ZNF570: variants seen among roughly 807,000 people sequenced by gnomAD.
ZNF570 encodes zinc finger protein 570.
ZNF570 carries 8 observed loss-of-function variants against 14.2 expected under a neutral mutation model. That is an observed-to-expected ratio of 0.56 (90% confidence interval 0.33 to 1.02). The LOEUF (loss-of-function observed/expected upper bound fraction) is 1.02, where lower values mean the gene tolerates loss of function less well. Ranked by LOEUF, ZNF570 falls within the 50% of genes least tolerant of loss-of-function variation. The probability of loss-of-function intolerance (pLI) is 0.03; values close to 1 mark genes in which losing one functional copy is unlikely to be tolerated. For missense variants in ZNF570, 559 were observed against 624.9 expected, an observed-to-expected ratio of 0.89 and a Z score of 1.12; for synonymous variants, 202 against 207.6, an observed-to-expected ratio of 0.97 and a Z score of 0.23.
At chr19:37,482,036 C>T (rs900251640) in intron 4 of ZNF570, among the ~76,000 whole-genome samples, 1 of 152,116 alleles carries the variant, frequency 6.6e-6, no homozygotes, top group African/African-American at 2.4e-5. Context: ...CAGTATTTGT[C>T]CTTTTGTGAC....
chr19:37,487,441 A>G lies in ZNF570; in HGVS notation c.*2208A>G, dbSNP rs1157873609. On this transcript the variant is annotated 3_prime_UTR_variant, in exon 5 of 5. Coordinates refer to ENST00000330173, the MANE Select transcript of ZNF570 (RefSeq NM_144694.5). ...ATTGAGTAATTACTGTTTGTCAGAC[A>G]CTGTTTTAGGTATGAGGAAATGACA... The G allele has an allele frequency of 6.6e-6, 1 of 152,186 alleles. No individual in the cohort carries two copies. Among genetic ancestry groups the G allele is most frequent in the East Asian group, 1.9e-4 (1 of 5,192 alleles). 9.4% of individuals were successfully genotyped at this position (152,186 alleles called of 1,614,324 possible).
chr19:37,472,550 G>C (rs1330847546), intron 2 of ZNF570, among the ~76,000 whole-genome samples: 1 of 151,990 alleles, frequency 6.6e-6, no homozygotes, highest in Non-Finnish European at 1.5e-5. Context: ...AGACCAGTCA[G>C]ACCAACATGC....
chr19:37,469,112 G>A (rs968418218), upstream of ZNF570: 2 of 1,050,418 alleles, frequency 1.9e-6, no homozygotes, highest in African/African-American at 3.4e-5. Context: ...CCCTGTGACC[G>A]GGCCAGGCTC....
At position 37,482,376 on chromosome 19, in the gene ZNF570, A is replaced by G. The variant is rs568126154; in HGVS notation, c.257-1503A>G. The stretch of plus-strand genomic sequence containing the variant: ...CCGAGGAGGTCTCAGGAAGCTTCCA[A>G]TTATGGCAGAAGGTGAACAGAGAGC... On this transcript the variant is annotated intron_variant, in intron 4 of 4. Transcript: ENST00000330173. 2.0e-5 allele frequency among the ~76,000 whole-genome samples: 3 copies of G among 152,324 alleles called. No individual in the cohort carries two copies. The South Asian group carries it at 6.2e-4, about 32-fold the overall frequency.
chr19:37,472,207 A>C (rs1274776338), intron 2 of ZNF570, among the ~76,000 whole-genome samples: 1 of 152,098 alleles, frequency 6.6e-6, no homozygotes, highest in Non-Finnish European at 1.5e-5. Flanking sequence ...CTCGGCCCAG[A>C]GAACTTTTTA....
In ZNF570 at chr19:37,484,977, G is replaced by A; in HGVS notation, c.1355G>A (p.Ser452Asn). The change falls in exon 5 of 5, where the codon AGC (serine) becomes AAC (asparagine). Residue 452 changes from serine to asparagine, a missense_variant. Coordinates refer to ENST00000330173, the MANE Select transcript of ZNF570 (RefSeq NM_144694.5). Reference sequence around the variant, plus strand: ...TGTATTGAATGTGGGAAGGCTTTTAGCAATGACTCGTCCCTTACTCAACAT... The same window carrying A: ...TGTATTGAATGTGGGAAGGCTTTTAACAATGACTCGTCCCTTACTCAACAT... ...YECIECGKAF[S>N]NDSSLTQHQR... is the part of the protein sequence containing the mutation. The A allele has an allele frequency of 1.2e-6, 2 of 1,614,102 alleles. No individual in the cohort carries two copies. Among genetic ancestry groups the A allele is most frequent in the Non-Finnish European group, 8.5e-7 (1 of 1,180,000 alleles).
intron 4 of ZNF570, among the ~76,000 whole-genome samples, chr19:37,481,481 A>G (rs1397565662): frequency 1.3e-5 from 2 of 152,186 alleles, no homozygotes; most frequent in South Asian, 2.1e-4. Context: ...TGCTTTAAAG[A>G]TACCATTCCA....
chr19:37,476,030 C>G (rs756020071), intron 3 of ZNF570, 23 bp downstream of exon 3: 1 of 1,581,270 alleles, frequency 6.3e-7, no homozygotes, highest in Non-Finnish European at 8.6e-7. Flanking sequence ...TCTTGCAAAA[C>G]TGAGCTTCTG....
At chr19:37,469,082 A>G (rs2041904954), upstream of ZNF570, 2 of 1,022,470 alleles carry the variant, frequency 2.0e-6, no homozygotes, top group Non-Finnish European at 2.3e-6. Context: ...CAGCCCGTGT[A>G]GTGTGACGCT....
At position 37,484,606 on chromosome 19, in the gene ZNF570, A is replaced by T; in HGVS notation, c.984A>T (p.Lys328Asn). Reference protein sequence around the residue: ...AQHQRVHTGEKPYECIECGKA... With the variant: ...AQHQRVHTGENPYECIECGKA... Reference sequence around the variant, plus strand: ...ATCAGAGAGTTCACACGGGAGAGAAACCCTATGAATGTATCGAATGTGGGA... The same window carrying T: ...ATCAGAGAGTTCACACGGGAGAGAATCCCTATGAATGTATCGAATGTGGGA... Residue 328 changes from lysine to asparagine, a missense_variant, in exon 5 of 5, where the codon AAA becomes AAT. Lys to Asn is a moderately conservative substitution (Grantham distance 94). Transcript: ENST00000330173. 1 of 1,613,992 alleles carries T rather than the reference A, an allele frequency of 6.2e-7. No individual in the cohort carries two copies. The highest frequency in any genetic ancestry group is 8.5e-7 in the Non-Finnish European group (1 of 1,179,916).
intron 4 of ZNF570, among the ~76,000 whole-genome samples, chr19:37,480,350 G>A (rs2042073167): frequency 6.6e-6 from 1 of 152,006 alleles, no homozygotes; most frequent in African/African-American, 2.4e-5. Flanking sequence ...TGGGCGTGGT[G>A]GCATGCACCT....
intron 2 of ZNF570, among the ~76,000 whole-genome samples, chr19:37,471,556 A>T (rs2041965156): frequency 6.6e-6 from 1 of 152,148 alleles, no homozygotes; most frequent in Non-Finnish European, 1.5e-5. Context: ...CTCAAATACC[A>T]TGTATATGCC....
At chr19:37,480,149 A>G (rs192960564) in intron 4 of ZNF570, among the ~76,000 whole-genome samples, 1 of 152,342 alleles carries the variant, frequency 6.6e-6, no homozygotes, top group African/African-American at 2.4e-5. Flanking sequence ...TCACCTTAAC[A>G]AAACCTAAAA....
chr19:37,483,862 T>G lies in ZNF570; in HGVS notation c.257-17T>G. On this transcript the variant is annotated splice_polypyrimidine_tract_variant and intron_variant, in intron 4 of 4. Coordinates refer to ENST00000330173, the MANE Select transcript of ZNF570 (RefSeq NM_144694.5). ...TACTCAATAGAGGAGACATTTTTTC[T>G]TATTATTACTTTTCAGGCTGGGAGC... is the stretch of plus-strand genomic sequence containing the variant. 6.4e-7 allele frequency: 1 copy of G among 1,564,388 alleles called. No homozygotes were observed.
chr19:37,475,838 G>A (rs758558794), intron 2 of ZNF570, 43 bp from the exon 3 acceptor site: 2 of 1,581,134 alleles, frequency 1.3e-6, no homozygotes, highest in East Asian at 2.2e-5. Flanking sequence ...GAAATGAGGT[G>A]AATATGGTAA....
intron 4 of ZNF570, among the ~76,000 whole-genome samples, chr19:37,480,445 C>T (rs545963481): frequency 1.3e-5 from 2 of 152,254 alleles, no homozygotes; most frequent in South Asian, 4.1e-4. Context: ...GATCGTGCCA[C>T]TGCACTCCAG....
rs755823702 is a variant in ZNF570 at position 37,484,206 on chromosome 19, A to G, written c.584A>G (p.Gln195Arg). Reference sequence around the variant, plus strand: ...GAGAAAGTACATAAACATGACACACAAAAGAGAAGCTTTAAAAAAAATTTA... The same window carrying G: ...GAGAAAGTACATAAACATGACACACGAAAGAGAAGCTTTAAAAAAAATTTA... Reference protein sequence around the residue: ...KEEKVHKHDTQKRSFKKNLMA... With the variant: ...KEEKVHKHDTRKRSFKKNLMA... Residue 195 changes from glutamine (Q) to arginine (R), a missense_variant, in exon 5 of 5, where the codon CAA becomes CGA. Gln to Arg is a conservative substitution (Grantham distance 43). Coordinates refer to ENST00000330173, the MANE Select transcript of ZNF570 (RefSeq NM_144694.5). 3.7e-6 allele frequency: 6 copies of G among 1,614,016 alleles called. No individual in the cohort carries two copies. In the South Asian group the frequency reaches 5.5e-5, roughly 15 times the overall value.
In ZNF570 at chr19:37,485,556, G is replaced by T; in HGVS notation, c.*323G>T. ...CATGCATCAGCCTCCCGAGTAGCTG[G>T]GACTATAGACATGCACCACCATGCC... On this transcript the variant is annotated 3_prime_UTR_variant, in exon 5 of 5. Coordinates refer to ENST00000330173, the MANE Select transcript of ZNF570 (RefSeq NM_144694.5). 4.6e-6 allele frequency: 1 copy of T among 219,168 alleles called. No homozygotes were observed. Among genetic ancestry groups the T allele is most frequent in the Non-Finnish European group, 9.0e-6 (1 of 111,486 alleles). The allele number at this position is 219,168 out of a possible 1,614,324, so 13.6% of individuals were successfully genotyped here.
rs2042144289 is a variant in ZNF570 at position 37,485,393 on chromosome 19, A to G, written c.*160A>G. 1 of 676,672 alleles carries G rather than the reference A, an allele frequency of 1.5e-6. No individual in the cohort carries two copies. The allele number at this position is 676,672 out of a possible 1,614,324, so 41.9% of individuals were successfully genotyped here. On this transcript the variant is annotated 3_prime_UTR_variant, in exon 5 of 5. Transcript: ENST00000330173. The stretch of plus-strand genomic sequence containing the variant: ...TAAATCCATTTCCCACAATGCACTC[A>G]AACGGATCTTTTTTTTCTTTTTTTT...
Sources: allele counts gnomAD v4.1 joint callset (sites outside exome capture counted in the v4.1 genomes callset), GRCh38; gene constraint gnomAD v4.1.1; transcripts MANE v1.5; gene names NCBI Gene and HGNC (gene_info 2026-07-23, HGNC 2026-07-21).